Variants in ULK4 observed in about 807,000 individuals in gnomAD.
ULK4 encodes the protein inactive serine/threonine-protein kinase ULK4.
Under a neutral mutation model 160.6 loss-of-function variants are expected in ULK4, and 133 were observed. That is an observed-to-expected ratio of 0.83 (90% CI 0.72 to 0.96). The LOEUF is 0.96. ULK4 is among the 40% of genes least tolerant of loss of function. The pLI is 0.00. For missense variants in ULK4, 1,580 were observed against 1,499.5 expected (o/e 1.05, Z -0.89); for synonymous variants, 534 against 539.8 (o/e 0.99, Z 0.15).
chr3:41,403,613 T>C (rs2082229554), intron 34 of ULK4, among the ~76,000 whole-genome samples: 1 of 152,176 alleles, frequency 6.6e-6, no homozygotes, highest in Non-Finnish European at 1.5e-5. Flanking sequence ...ATCTTTATAA[T>C]TCCTTCCCTT....
chr3:41,506,767 A>AAAAAAAAAAAAAAAAAAAAAAATATATAT lies in ULK4; in HGVS notation c.3227-43515_3227-43514insATATATATTTTTTTTTTTTTTTTTTTTTT. On this transcript the variant is annotated intron_variant, in intron 32 of 36. Coordinates refer to ENST00000301831, the MANE Select transcript of ULK4 (RefSeq NM_017886.4). ...AGCAATACACTGGAGTGTGATTTAA[A>AAAAAAAAAAAAAAAAAAAAAAATATATAT]ATATATATATATATATATATATATA... Among the ~76,000 whole-genome samples the AAAAAAAAAAAAAAAAAAAAAAATATATAT allele has an allele frequency of 2.1e-4, 12 of 56,764 alleles. 2 individuals are homozygous for AAAAAAAAAAAAAAAAAAAAAAATATATAT. Among genetic ancestry groups the AAAAAAAAAAAAAAAAAAAAAAATATATAT allele is most frequent in the Non-Finnish European group, 2.8e-4 (9 of 31,986 alleles). The allele number at this position is 56,764 out of a possible 152,430, so 37.2% of individuals were successfully genotyped here.
intron 35 of ULK4, among the ~76,000 whole-genome samples, chr3:41,297,995 C>A (rs1049817639): frequency 5.3e-5 from 8 of 152,216 alleles, no homozygotes; most frequent in African/African-American, 1.9e-4. Flanking sequence ...GACCAGGCAG[C>A]ACTTTGCCTC....
At chr3:41,838,810 C>A (rs1575803507) in intron 17 of ULK4, among the ~76,000 whole-genome samples, 1 of 152,082 alleles carries the variant, frequency 6.6e-6, no homozygotes, top group East Asian at 1.9e-4. Context: ...TTCAACACCC[C>A]CCTCTCATGC....
chr3:41,476,794 A>G (rs916793106), intron 32 of ULK4, among the ~76,000 whole-genome samples: 104 of 152,190 alleles, frequency 6.8e-4, no homozygotes, highest in African/African-American at 2.4e-3. Flanking sequence ...GCTGATACAC[A>G]TCTACTTGAA....
At chr3:41,385,041 G>A (rs973461071) in intron 35 of ULK4, among the ~76,000 whole-genome samples, 1 of 151,878 alleles carries the variant, frequency 6.6e-6, no homozygotes, top group Non-Finnish European at 1.5e-5. Flanking sequence ...ACAACAGAGA[G>A]ACCTTGTCTC....
At chr3:41,564,944 G>A (rs2087735422) in intron 32 of ULK4, among the ~76,000 whole-genome samples, 1 of 152,064 alleles carries the variant, frequency 6.6e-6, no homozygotes, top group South Asian at 2.1e-4. Context: ...GGTGTATCAT[G>A]TTTTATCTTT....
intron 21 of ULK4, among the ~76,000 whole-genome samples, chr3:41,771,655 C>A (rs1201423438): frequency 6.6e-6 from 1 of 151,808 alleles, no homozygotes; most frequent in African/African-American, 2.4e-5. Flanking sequence ...ACCATAATAC[C>A]TAATACCATC....
chr3:41,415,659 A>G (rs1357395987), intron 34 of ULK4, among the ~76,000 whole-genome samples: 2 of 152,112 alleles, frequency 1.3e-5, no homozygotes, highest in African/African-American at 2.4e-5. Flanking sequence ...CTGGCCTCCT[A>G]ATATAAAGAT....
intron 32 of ULK4, among the ~76,000 whole-genome samples, chr3:41,544,437 T>C (rs1237775591): frequency 6.6e-6 from 1 of 152,202 alleles, no homozygotes; most frequent in Non-Finnish European, 1.5e-5. Flanking sequence ...GGCCTCAACA[T>C]CAGCCAGAAG....
chr3:41,919,496 G>A (rs1699110900), intron 6 of ULK4, among the ~76,000 whole-genome samples: 1 of 152,136 alleles, frequency 6.6e-6, no homozygotes, highest in Non-Finnish European at 1.5e-5. Context: ...CAGCTACTCG[G>A]GAAGCTGAGA....
At chr3:41,507,612 CAAAAAAAA>C (rs71075473) in intron 32 of ULK4, among the ~76,000 whole-genome samples, 53 of 75,284 alleles carry the variant, frequency 7.0e-4, no homozygotes, top group African/African-American at 2.8e-3. Flanking sequence ...AAACCACCAC[CAAAAAAAA>C]AAAAAAAAAA....
At chr3:41,512,919 A>T (rs1575335963) in intron 32 of ULK4, among the ~76,000 whole-genome samples, 1 of 152,206 alleles carries the variant, frequency 6.6e-6, no homozygotes, top group East Asian at 1.9e-4. Context: ...GTACTAGTAT[A>T]AAAATAGGCA....
chr3:41,469,431 C>T (rs1192516161), intron 32 of ULK4, among the ~76,000 whole-genome samples: 2 of 151,688 alleles, frequency 1.3e-5, no homozygotes, highest in Non-Finnish European at 2.9e-5. Flanking sequence ...CAGAGATCAA[C>T]CAGTGGTCTC....
chr3:41,836,808 G>C (rs1393138843), intron 17 of ULK4, among the ~76,000 whole-genome samples: 1 of 152,146 alleles, frequency 6.6e-6, no homozygotes, highest in Non-Finnish European at 1.5e-5. Context: ...TAATGTCCTA[G>C]GAGTCATGCT....
chr3:41,419,859 G>C (rs731936), intron 34 of ULK4, among the ~76,000 whole-genome samples: 49,344 of 151,440 alleles, frequency 0.33, 8,392 homozygotes, highest in African/African-American at 0.4. Context: ...CCTGAGGCCA[G>C]GGGTGCTGCG....
chr3:41,532,136 C>T (rs2086341150), intron 32 of ULK4, among the ~76,000 whole-genome samples: 2 of 152,160 alleles, frequency 1.3e-5, no homozygotes, highest in African/African-American at 2.4e-5. Context: ...GTACTCCGAC[C>T]GCATCAACAA....
intron 32 of ULK4, among the ~76,000 whole-genome samples, chr3:41,491,035 C>G (rs1334656925): frequency 6.6e-6 from 1 of 152,032 alleles, no homozygotes; most frequent in Non-Finnish European, 1.5e-5. Context: ...ATACAAGATC[C>G]CATTAACAAT....
intron 35 of ULK4, among the ~76,000 whole-genome samples, chr3:41,395,450 G>A (rs533977182): frequency 3.9e-5 from 6 of 152,158 alleles, no homozygotes; most frequent in Middle Eastern, 3.4e-3. Flanking sequence ...CCCTAAAAAC[G>A]GAGGAAATTC....
At chr3:41,758,500 A>G (rs1029805168) in intron 21 of ULK4, among the ~76,000 whole-genome samples, 4 of 152,202 alleles carry the variant, frequency 2.6e-5, no homozygotes, top group Admixed American at 2.0e-4. Flanking sequence ...TCAACAATAT[A>G]TAAGCACGTT....
Sources: allele counts gnomAD v4.1 joint callset (sites outside exome capture counted in the v4.1 genomes callset), GRCh38; gene constraint gnomAD v4.1.1; transcripts MANE v1.5; gene names NCBI Gene and HGNC (gene_info 2026-07-23, HGNC 2026-07-21).